PTPRD: variants seen among roughly 807,000 people sequenced by gnomAD.
The protein encoded by PTPRD is protein tyrosine phosphatase receptor type D, also known as receptor-type tyrosine-protein phosphatase delta.
A neutral mutation model predicts 214.5 loss-of-function variants in PTPRD; 34 were observed. The ratio of observed to expected loss-of-function variants is 0.16; its 90% CI spans 0.12 to 0.21. The LOEUF (loss-of-function observed/expected upper bound fraction) is 0.21. PTPRD is among the 10% of genes least tolerant of loss of function. PTPRD has a pLI of 1.00. For missense variants in PTPRD, 2,545 were observed against 2,398.7 expected (o/e 1.06, Z -1.27); for synonymous variants, 1,128 against 845.7 (o/e 1.33, Z -5.79).
At chr9:9,754,582 T>G (rs542627444) in intron 6 of PTPRD, among the ~76,000 whole-genome samples, 1 of 152,202 alleles carries the variant, frequency 6.6e-6, no homozygotes, top group Admixed American at 6.5e-5. Flanking sequence ...CTATATATAT[T>G]ACACAATATT....
At chr9:8,353,948 A>G (rs1238188600) in intron 39 of PTPRD, among the ~76,000 whole-genome samples, 27 of 115,732 alleles carry the variant, frequency 2.3e-4, no homozygotes, top group South Asian at 5.0e-4. Flanking sequence ...ATATATATAT[A>G]TATATATATA....
chr9:10,338,718 G>T (rs933342165), intron 3 of PTPRD, among the ~76,000 whole-genome samples: 1 of 151,658 alleles, frequency 6.6e-6, no homozygotes. Context: ...AATATGTATT[G>T]ACTTAGCAAA....
rs3076461 is a variant in PTPRD, at chr9:10,509,557, TTATATATATA to T, written c.-600+102831_-600+102840del. ...TAAATATATTTACATTTAATAAATA[TTATATATATA>T]TATATATATATATTTTACTCACTTA... On this transcript the variant is annotated intron_variant, in intron 2 of 45. Coordinates refer to ENST00000381196, the MANE Select transcript of PTPRD (RefSeq NM_002839.4). 5.4e-3 allele frequency among the ~76,000 whole-genome samples: 579 copies of T among 106,688 alleles called. 25 individuals are homozygous for T. Among genetic ancestry groups the T allele is most frequent in the African/African-American group, 0.021 (518 of 25,152 alleles). The allele number at this position is 106,688 out of a possible 152,430, so 70.0% of individuals were successfully genotyped here. A position where few individuals can be genotyped will look rare whatever the true frequency, so the allele number is the denominator to read the frequency against.
chr9:9,459,947 C>T (rs181629657), intron 8 of PTPRD, among the ~76,000 whole-genome samples: 2 of 152,198 alleles, frequency 1.3e-5, no homozygotes, highest in African/African-American at 2.4e-5. Flanking sequence ...TCAAACTATA[C>T]TTCAAGGCTA....
chr9:10,554,614 T>A (rs1029125168), intron 2 of PTPRD, among the ~76,000 whole-genome samples: 1 of 152,088 alleles, frequency 6.6e-6, no homozygotes, highest in Non-Finnish European at 1.5e-5. Flanking sequence ...TTTTTATACA[T>A]CCCTAAAGAT....
intron 3 of PTPRD, among the ~76,000 whole-genome samples, chr9:10,114,894 C>T (rs544785636): frequency 3.9e-5 from 6 of 151,928 alleles, no homozygotes; most frequent in Non-Finnish European, 7.4e-5. Context: ...TGGAAAGATA[C>T]AGGATTTTAT....
At chr9:8,700,147 A>T (rs1341363727) in intron 12 of PTPRD, among the ~76,000 whole-genome samples, 1 of 152,192 alleles carries the variant, frequency 6.6e-6, no homozygotes, top group East Asian at 1.9e-4. Context: ...TCCCTTTTTA[A>T]TCAATGCATG....
At chr9:8,438,459 C>T (rs1387482245) in intron 34 of PTPRD, among the ~76,000 whole-genome samples, 2 of 152,186 alleles carry the variant, frequency 1.3e-5, no homozygotes, top group East Asian at 3.9e-4. Context: ...TTTTGGAACC[C>T]TTTCTGAAAC....
chr9:9,110,052 C>T (rs577352473), intron 10 of PTPRD, among the ~76,000 whole-genome samples: 55 of 152,114 alleles, frequency 3.6e-4, no homozygotes, highest in Non-Finnish European at 6.8e-4. Flanking sequence ...TAGATGGGGA[C>T]AGGAATGACT....
intron 10 of PTPRD, among the ~76,000 whole-genome samples, chr9:9,043,388 T>C (rs1397151125): frequency 6.6e-6 from 1 of 152,154 alleles, no homozygotes; most frequent in Non-Finnish European, 1.5e-5. Context: ...GTGTCACCAT[T>C]ATTAAACAAT....
At chr9:9,356,036 C>T (rs79391357) in intron 9 of PTPRD, among the ~76,000 whole-genome samples, 9,295 of 151,222 alleles carry the variant, frequency 0.061, 383 homozygotes, top group Middle Eastern at 0.088. Context: ...GTGACATTGA[C>T]AAGTTTTAGT....
rs562954365 is a variant in PTPRD, at chr9:10,315,283, G to A, written c.-545+25680C>T. Among the ~76,000 whole-genome samples the A allele has an allele frequency of 7.9e-5, 12 of 151,960 alleles. No homozygotes were observed. In the South Asian group the frequency reaches 2.5e-3, roughly 32 times the overall value. ...GATTGCATGATTTGGGAAGCCAGCTGTAAGGTATGCCTACCTATAAAATAT... is the reference window on the plus strand; with the variant it reads ...GATTGCATGATTTGGGAAGCCAGCTATAAGGTATGCCTACCTATAAAATAT... On this transcript the variant is annotated intron_variant, in intron 3 of 45. Transcript: ENST00000381196.
At chr9:8,757,016 C>T (rs2094040381) in intron 11 of PTPRD, among the ~76,000 whole-genome samples, 1 of 152,082 alleles carries the variant, frequency 6.6e-6, no homozygotes, top group Admixed American at 6.6e-5. Flanking sequence ...GTGATGGACA[C>T]CTGTAATCCC....
At chr9:9,973,682 T>C (rs1294395049) in intron 4 of PTPRD, among the ~76,000 whole-genome samples, 1 of 152,164 alleles carries the variant, frequency 6.6e-6, no homozygotes, top group Non-Finnish European at 1.5e-5. Flanking sequence ...GTAAGGTGTC[T>C]TCTGTGGGAA....
intron 5 of PTPRD, among the ~76,000 whole-genome samples, chr9:9,825,645 C>G (rs1449080080): frequency 6.6e-6 from 1 of 151,856 alleles, no homozygotes; most frequent in Non-Finnish European, 1.5e-5. Context: ...ACGGGGTATT[C>G]TCAGGGAAAA....
intron 11 of PTPRD, among the ~76,000 whole-genome samples, chr9:8,741,866 G>A (rs897503239): frequency 2.6e-5 from 4 of 151,882 alleles, no homozygotes; most frequent in African/African-American, 9.7e-5. Flanking sequence ...TGGGATTACA[G>A]GCGTGAGCCA....
At chr9:8,325,894 G>A (rs967833619) in intron 44 of PTPRD, among the ~76,000 whole-genome samples, 4 of 152,162 alleles carry the variant, frequency 2.6e-5, no homozygotes, top group Non-Finnish European at 5.9e-5. Context: ...GTATAGGAAT[G>A]CTTGTGATTT....
chr9:10,128,815 T>A (rs1279643035), intron 3 of PTPRD, among the ~76,000 whole-genome samples: 4 of 152,124 alleles, frequency 2.6e-5, no homozygotes, highest in African/African-American at 9.7e-5. Flanking sequence ...TTGAAACACT[T>A]AATAGTACTT....
intron 9 of PTPRD, among the ~76,000 whole-genome samples, chr9:9,269,632 T>C (rs1166508078): frequency 6.6e-6 from 1 of 151,176 alleles, no homozygotes; most frequent in Non-Finnish European, 1.5e-5. Context: ...ATAAAGAAAA[T>C]GTGGTCGGTG....
Sources: allele counts gnomAD v4.1 joint callset (sites outside exome capture counted in the v4.1 genomes callset), GRCh38; gene constraint gnomAD v4.1.1; transcripts MANE v1.5; gene names NCBI Gene and HGNC (gene_info 2026-07-23, HGNC 2026-07-21).